Variants in ST6GALNAC3 observed in about 807,000 individuals in gnomAD.
ST6GALNAC3 encodes the protein alpha-N-acetylgalactosaminide alpha-2,6-sialyltransferase 3.
ST6GALNAC3 carries 25 observed loss-of-function variants against 32.7 expected under a neutral mutation model. That is an observed-to-expected ratio of 0.76 (90% CI 0.56 to 1.07). The LOEUF (loss-of-function observed/expected upper bound fraction) is 1.07. Among genes scored for constraint, ST6GALNAC3 ranks in the 50% least tolerant of loss-of-function variants. ST6GALNAC3 has a pLI of 0.00. For synonymous variants in ST6GALNAC3, 129 were observed against 133.1 expected, an observed-to-expected ratio of 0.97 and a Z score of 0.21; for missense variants, 355 against 382.4, an observed-to-expected ratio of 0.93 and a Z score of 0.60.
chr1:76,353,083 C>G (rs929662680), intron 2 of ST6GALNAC3, among the ~76,000 whole-genome samples: 1 of 152,158 alleles, frequency 6.6e-6, no homozygotes, highest in Admixed American at 6.5e-5. Flanking sequence ...ACTAGAATTA[C>G]TCCACTCCCC....
At chr1:76,367,984 C>T (rs1650511541) in intron 2 of ST6GALNAC3, among the ~76,000 whole-genome samples, 1 of 152,166 alleles carries the variant, frequency 6.6e-6, no homozygotes, top group Admixed American at 6.5e-5. Context: ...CCTGTGGTCT[C>T]ACTACTTTGC....
intron 2 of ST6GALNAC3, among the ~76,000 whole-genome samples, chr1:76,400,622 C>G (rs1380900227): frequency 6.6e-6 from 1 of 152,050 alleles, no homozygotes; most frequent in Non-Finnish European, 1.5e-5. Context: ...CATGGTGGCT[C>G]ACTCCTGAAA....
chr1:76,102,393 T>C (rs1647263390), intron 1 of ST6GALNAC3, among the ~76,000 whole-genome samples: 1 of 152,076 alleles, frequency 6.6e-6, no homozygotes, highest in Non-Finnish European at 1.5e-5. Context: ...TTTCCTACTT[T>C]TAATGTAATA....
At chr1:76,551,163 G>A (rs1472082788) in intron 3 of ST6GALNAC3, among the ~76,000 whole-genome samples, 1 of 152,116 alleles carries the variant, frequency 6.6e-6, no homozygotes, top group Non-Finnish European at 1.5e-5. Flanking sequence ...ATATCTGATA[G>A]GTCAGGTCAC....
intron 1 of ST6GALNAC3, among the ~76,000 whole-genome samples, chr1:76,133,676 T>A (rs930025264): frequency 2.0e-5 from 3 of 152,206 alleles, no homozygotes; most frequent in Non-Finnish European, 4.4e-5. Flanking sequence ...CCTGCTGACT[T>A]CCAGAAACTG....
chr1:76,157,739 C>T (rs1412735718), intron 1 of ST6GALNAC3, among the ~76,000 whole-genome samples: 1 of 152,152 alleles, frequency 6.6e-6, no homozygotes, highest in African/African-American at 2.4e-5. Flanking sequence ...TATGTACCCA[C>T]CATTACAGTA....
At chr1:76,231,718 T>A (rs998849533) in intron 1 of ST6GALNAC3, among the ~76,000 whole-genome samples, 1 of 152,140 alleles carries the variant, frequency 6.6e-6, no homozygotes, top group African/African-American at 2.4e-5. Flanking sequence ...TATATGTCAC[T>A]TTTTTTTCAT....
At chr1:76,434,522 C>G (rs1655994629) in intron 3 of ST6GALNAC3, among the ~76,000 whole-genome samples, 1 of 152,046 alleles carries the variant, frequency 6.6e-6, no homozygotes, top group Admixed American at 6.6e-5. Flanking sequence ...CCTTAAAGAG[C>G]TTCTTCTACT....
intron 1 of ST6GALNAC3, among the ~76,000 whole-genome samples, chr1:76,143,391 T>TTGTG (rs1557651072): frequency 7.7e-4 from 32 of 41,332 alleles, no homozygotes; most frequent in African/African-American, 1.5e-3. Context: ...TCTTACCAAG[T>TTGTG]CGTGTGTGTG....
chr1:76,596,871 C>T (rs1181696744), intron 3 of ST6GALNAC3, among the ~76,000 whole-genome samples: 3 of 152,140 alleles, frequency 2.0e-5, no homozygotes, highest in Admixed American at 6.6e-5. Context: ...GACCTGAATT[C>T]AATTTTGATT....
At chr1:76,456,433 G>A (rs112812995) in intron 3 of ST6GALNAC3, among the ~76,000 whole-genome samples, 1,944 of 151,890 alleles carry the variant, frequency 0.013, 42 homozygotes, top group African/African-American at 0.042. Flanking sequence ...TGTGGCCTCC[G>A]CCTCCTGGGT....
chr1:76,455,535 G>T lies in ST6GALNAC3; in HGVS notation c.623+43118G>T, dbSNP rs567398175. Among the ~76,000 whole-genome samples, 3 of 152,276 alleles carry T rather than the reference G, an allele frequency of 2.0e-5. No homozygotes were observed. In the South Asian group the frequency reaches 6.2e-4, roughly 32 times the overall value. On this transcript the variant is annotated intron_variant, in intron 3 of 4. Transcript: ENST00000328299. ...ACTCTTGCTTGGGAACATAACCCTT[G>T]CTTCCAGGAGGCTGAGGATCTCACC...
intron 1 of ST6GALNAC3, among the ~76,000 whole-genome samples, chr1:76,090,372 C>T (rs924025388): frequency 2.0e-5 from 3 of 152,316 alleles, no homozygotes; most frequent in East Asian, 1.9e-4. Context: ...GATACTTGAA[C>T]AGAATCTTGA....
chr1:76,632,638 C>T lies in ST6GALNAC3; in HGVS notation c.*3832C>T, dbSNP rs1649356378. 6.6e-6 allele frequency: 1 copy of T among 152,094 alleles called. No individual in the cohort carries two copies. Among genetic ancestry groups the T allele is most frequent in the Admixed American group, 6.6e-5 (1 of 15,258 alleles). 9.4% of individuals were successfully genotyped at this position (152,094 alleles called of 1,614,324 possible). On this transcript the variant is annotated 3_prime_UTR_variant, in exon 5 of 5. Coordinates refer to ENST00000328299, the MANE Select transcript of ST6GALNAC3 (RefSeq NM_152996.4). ...AGGAACAAGAGTCTGAATTGGGGACCTGCTGACCTTCCAAGAAGTAGAAGG... is the reference window on the plus strand; with the variant it reads ...AGGAACAAGAGTCTGAATTGGGGACTTGCTGACCTTCCAAGAAGTAGAAGG...
intron 3 of ST6GALNAC3, among the ~76,000 whole-genome samples, chr1:76,592,122 G>A (rs538034064): frequency 3.3e-5 from 5 of 152,156 alleles, no homozygotes; most frequent in Non-Finnish European, 7.3e-5. Context: ...TAATCAAGGA[G>A]AATGACATAA....
intron 1 of ST6GALNAC3, among the ~76,000 whole-genome samples, chr1:76,077,245 A>C (rs892513112): frequency 2.0e-5 from 3 of 150,552 alleles, no homozygotes; most frequent in Non-Finnish European, 4.4e-5. Context: ...TTTTATGAGG[A>C]TAAAACTATG....
chr1:76,356,234 A>G (rs1649429028), intron 2 of ST6GALNAC3, among the ~76,000 whole-genome samples: 1 of 152,152 alleles, frequency 6.6e-6, no homozygotes, highest in South Asian at 2.1e-4. Context: ...TCTTGAATCC[A>G]TCCTCCATTG....
chr1:76,379,058 C>T (rs1035721106), intron 2 of ST6GALNAC3, among the ~76,000 whole-genome samples: 5 of 152,088 alleles, frequency 3.3e-5, no homozygotes, highest in South Asian at 2.1e-4. Flanking sequence ...CCACCACGGC[C>T]GGCTAATTTT....
chr1:76,108,691 A>G (rs1207220901), intron 1 of ST6GALNAC3, among the ~76,000 whole-genome samples: 1 of 152,228 alleles, frequency 6.6e-6, no homozygotes, highest in Non-Finnish European at 1.5e-5. Context: ...AAGGGTCTCT[A>G]AACTATTTTA....
Sources: allele counts gnomAD v4.1 joint callset (sites outside exome capture counted in the v4.1 genomes callset), GRCh38; gene constraint gnomAD v4.1.1; transcripts MANE v1.5; gene names NCBI Gene and HGNC (gene_info 2026-07-23, HGNC 2026-07-21).